The following CAB39L variants were observed in gnomAD, a reference collection of about 807,000 sequenced individuals.
CAB39L encodes calcium binding protein 39 like, also known as calcium-binding protein 39-like.
In CAB39L, 23 loss-of-function variants were observed where a neutral mutation model predicts 39.1. The ratio of observed to expected loss-of-function variants is 0.59; its 90% CI spans 0.42 to 0.83. CAB39L has a LOEUF of 0.83. Ranked by LOEUF, CAB39L falls within the 40% of genes least tolerant of loss-of-function variation. The pLI, the probability that CAB39L is intolerant of heterozygous loss-of-function variation, is 0.00. For synonymous variants in CAB39L, 126 were observed against 137.2 expected, an observed-to-expected ratio of 0.92 and a Z score of 0.57; for missense variants, 366 against 391.9, an observed-to-expected ratio of 0.93 and a Z score of 0.56.
At position 49,382,906 on chromosome 13, in the gene CAB39L, T is replaced by C. The variant is rs1244756449; in HGVS notation, c.5A>G (p.Lys2Arg). M[K>R]KMPLFSKSHK... Reference sequence around the variant, plus strand: ...TGATTTACTAAACAAAGGCATTTTTTTCATGTGTAGAAATCTCTTCTTCCA... The same window carrying C: ...TGATTTACTAAACAAAGGCATTTTTCTCATGTGTAGAAATCTCTTCTTCCA... The change falls in exon 4 of 11, where the codon AAA becomes AGA. Residue 2 changes from lysine to arginine, a missense_variant. Coordinates refer to ENST00000409308, the MANE Select transcript of CAB39L (RefSeq NM_001079670.3). The C allele has an allele frequency of 6.3e-7, 1 of 1,584,414 alleles. No homozygotes were observed. Among genetic ancestry groups the C allele is most frequent in the South Asian group, 1.1e-5 (1 of 89,512 alleles).
At chr13:49,373,366 T>C (rs961634269) in intron 5 of CAB39L, among the ~76,000 whole-genome samples, 1 of 152,170 alleles carries the variant, frequency 6.6e-6, no homozygotes, top group Non-Finnish European at 1.5e-5. Flanking sequence ...TAAACAAAAA[T>C]TCACTTTTTT....
intron 3 of CAB39L, among the ~76,000 whole-genome samples, chr13:49,430,630 C>T (rs778101472): frequency 1.6e-4 from 25 of 152,238 alleles, no homozygotes; most frequent in African/African-American, 2.2e-4. Context: ...TCCCACTCTC[C>T]TTTATTTAGG....
At chr13:49,348,842 T>C (rs1327604228) in intron 7 of CAB39L, among the ~76,000 whole-genome samples, 1 of 152,172 alleles carries the variant, frequency 6.6e-6, no homozygotes, top group Non-Finnish European at 1.5e-5. Flanking sequence ...CCACCACTCT[T>C]TGGTCTTCTC....
chr13:49,429,990 T>C lies in CAB39L; in HGVS notation c.-32+3328A>G, dbSNP rs143775591. On this transcript the variant is annotated intron_variant, in intron 3 of 10. Transcript: ENST00000409308. ...TTATTTTGGTTTAACCAACATTCAT[T>C]TGTACAAAAAAAGTTATATAATAAT... is the stretch of plus-strand genomic sequence containing the variant. Among the ~76,000 whole-genome samples the C allele has an allele frequency of 2.6e-5, 4 of 152,312 alleles. No individual in the cohort carries two copies. The East Asian group carries it at 7.7e-4, about 29-fold the overall frequency.
At chr13:49,424,772 A>G (rs1957218937) in intron 3 of CAB39L, among the ~76,000 whole-genome samples, 1 of 152,222 alleles carries the variant, frequency 6.6e-6, no homozygotes. Context: ...AAGTCAAAAA[A>G]TTCCAATGAT....
chr13:49,410,135 C>T (rs1243749813), intron 3 of CAB39L, among the ~76,000 whole-genome samples: 2 of 152,042 alleles, frequency 1.3e-5, no homozygotes, highest in Non-Finnish European at 2.9e-5. Context: ...ATCTTGGAGC[C>T]CCAAGATTCG....
chr13:49,443,889 T>C, intron 1 of CAB39L, 97 bp downstream of exon 1: 1 of 456,150 alleles, frequency 2.2e-6, no homozygotes, highest in South Asian at 1.5e-5. Flanking sequence ...CCCATTGTTC[T>C]CTCCGGACCC....
At chr13:49,345,562 G>C (rs1237795476) in intron 7 of CAB39L, among the ~76,000 whole-genome samples, 2 of 152,110 alleles carry the variant, frequency 1.3e-5, no homozygotes, top group Non-Finnish European at 2.9e-5. Flanking sequence ...TGCATCAGGG[G>C]ACCCTTGAAA....
At chr13:49,359,871 A>C in intron 5 of CAB39L, 39 bp from the exon 6 acceptor site, 1 of 1,086,414 alleles carries the variant, frequency 9.2e-7, no homozygotes, top group African/African-American at 1.5e-5. Flanking sequence ...TGTACACTCT[A>C]AATGGATGAA....
Position 49,344,166 on chromosome 13 carries a change from G to C in CAB39L, c.624+13C>G. The C allele has an allele frequency of 6.7e-7, 1 of 1,500,788 alleles. No homozygotes were observed. The highest frequency in any genetic ancestry group is 1.1e-5 in the South Asian group (1 of 88,310). 93.0% of individuals were successfully genotyped at this position (1,500,788 alleles called of 1,614,324 possible). ...AGAAAGTGGGAAAGTCTTTAAAAAT[G>C]ATTTCTACTTACAGTGTCGTAATTT... On this transcript the variant is annotated intron_variant, in intron 8 of 10. Transcript: ENST00000409308.
At position 49,332,007 on chromosome 13, in the gene CAB39L, CA is replaced by C; in HGVS notation, c.773del (p.Met258ArgfsTer2). On this transcript the variant is annotated frameshift_variant, in exon 10 of 11. Coordinates refer to ENST00000409308, the MANE Select transcript of CAB39L (RefSeq NM_001079670.3). LOFTEE classifies it high-confidence loss of function. ...YISKPENLKLMMNLLRDKSPN... is the reference protein window; with the variant it reads ...YISKPENLKLXMNLLRDKSPN... ...GACTTTTATCCCGAAGGAGGTTCAT[CA>C]TGAGTTTCAGGTTCTCCGGCTTGCT... The C allele has an allele frequency of 1.2e-6, 2 of 1,614,124 alleles. No individual in the cohort carries two copies. Among genetic ancestry groups the C allele is most frequent in the Non-Finnish European group, 1.7e-6 (2 of 1,180,002 alleles).
At chr13:49,406,169 CTTT>C (rs1215587782) in intron 3 of CAB39L, among the ~76,000 whole-genome samples, 3 of 134,428 alleles carry the variant, frequency 2.2e-5, no homozygotes, top group Admixed American at 7.4e-5. Flanking sequence ...TTGGAATGCT[CTTT>C]TTTTTTTTTT....
At chr13:49,321,186 A>G (rs1954328026) in intron 10 of CAB39L, among the ~76,000 whole-genome samples, 1 of 152,222 alleles carries the variant, frequency 6.6e-6, no homozygotes, top group Non-Finnish European at 1.5e-5. Flanking sequence ...ACCCCTGTGA[A>G]TATCTGGTGT....
At chr13:49,319,111 G>C (rs1408212248) in intron 10 of CAB39L, among the ~76,000 whole-genome samples, 1 of 152,134 alleles carries the variant, frequency 6.6e-6, no homozygotes, top group Non-Finnish European at 1.5e-5. Context: ...GGGTGTGGTG[G>C]CAGATGCCTG....
intron 1 of CAB39L, among the ~76,000 whole-genome samples, chr13:49,434,696 A>T (rs2138741298): frequency 6.6e-6 from 1 of 152,234 alleles, no homozygotes; most frequent in East Asian, 1.9e-4. Context: ...TCTCTACAAA[A>T]ATAAAATTAA....
chr13:49,376,672 T>C (rs1194405141), intron 5 of CAB39L, among the ~76,000 whole-genome samples: 3 of 151,980 alleles, frequency 2.0e-5, no homozygotes, highest in East Asian at 3.9e-4. Flanking sequence ...ATTCAACGAG[T>C]TGAATGCTTG....
chr13:49,441,508 A>T (rs904517508), intron 1 of CAB39L, among the ~76,000 whole-genome samples: 2 of 151,870 alleles, frequency 1.3e-5, no homozygotes, highest in Admixed American at 1.3e-4. Context: ...TCAAGGCTGC[A>T]GTAAGCTGTG....
intron 3 of CAB39L, among the ~76,000 whole-genome samples, chr13:49,432,139 T>C (rs570973313): frequency 5.3e-5 from 8 of 152,186 alleles, no homozygotes; most frequent in Non-Finnish European, 8.8e-5. Flanking sequence ...ATTGAACATA[T>C]TAAACTATGT....
chr13:49,405,545 C>T, intron 3 of CAB39L, among the ~76,000 whole-genome samples: 1 of 152,020 alleles, frequency 6.6e-6, no homozygotes, highest in East Asian at 1.9e-4. Flanking sequence ...GAGGCTGAGA[C>T]AGGAGGATTG....
Sources: gnomAD v4.1 joint callset for allele counts (sites outside exome capture counted in the v4.1 genomes callset) on GRCh38, gnomAD v4.1.1 for gene constraint, MANE v1.5 for transcripts, NCBI Gene and HGNC (gene_info 2026-07-23, HGNC 2026-07-21) for gene names.